TDRD6: variants seen among roughly 807,000 people sequenced by gnomAD.
The protein encoded by TDRD6 is tudor domain-containing protein 6.
TDRD6 carries 186 observed loss-of-function variants against 157.5 expected under a neutral mutation model. The observed-to-expected ratio is 1.18, with a 90% CI of 1.05 to 1.33. The LOEUF is 1.33. TDRD6 is among the 40% of genes most tolerant of loss of function. The pLI is 0.00. For missense variants in TDRD6, 3,066 were observed against 2,508.0 expected, an observed-to-expected ratio of 1.22 and a Z score of -4.75; for synonymous variants, 1,075 against 945.2, an observed-to-expected ratio of 1.14 and a Z score of -2.52.
chr6:46,688,152 G>T lies in TDRD6; in HGVS notation c.24G>T (p.Pro8=). ...AGATGTGCTCGACGCCCGGAATGCC[G>T]GCGCCGGGGGCCTCGCTGGCCCTGC... The part of the protein sequence containing the change: MCSTPGM[P]APGASLALRV... The change falls in exon 1 of 4, where the codon CCG becomes CCT. Residue 8 remains proline, a synonymous_variant. Coordinates refer to ENST00000316081, the MANE Select transcript of TDRD6 (RefSeq NM_001010870.3). 1 of 1,542,918 alleles carries T rather than the reference G, an allele frequency of 6.5e-7. No individual in the cohort carries two copies. The highest frequency in any genetic ancestry group is 8.7e-7 in the Non-Finnish European group (1 of 1,151,228).
Position 46,692,021 on chromosome 6 carries a change from A to G in TDRD6, c.3893A>G (p.Gln1298Arg), listed in dbSNP as rs774744830. 34 of 1,613,886 alleles carry G rather than the reference A, an allele frequency of 2.1e-5. No individual in the cohort carries two copies. Among genetic ancestry groups the G allele is most frequent in the Non-Finnish European group, 2.8e-5 (33 of 1,179,924 alleles). Residue 1298 changes from glutamine (Q) to arginine (R), a missense_variant, in exon 1 of 4, where the codon CAG becomes CGG. Gln to Arg is a conservative substitution (Grantham distance 43). Coordinates refer to ENST00000316081, the MANE Select transcript of TDRD6 (RefSeq NM_001010870.3). ...DLPLKFCEFP[Q>R]KTIMPGFKTT... ...CCTCTGAAATTTTGTGAGTTCCCAC[A>G]GAAGACTATAATGCCTGGATTTAAA...
At position 46,691,518 on chromosome 6, in the gene TDRD6, A is replaced by C. The variant is rs780410588; in HGVS notation, c.3390A>C (p.Ala1130=). ...AGTCATTGAAGGCTTTAGTTGTAGC[A>C]AAAGATCCAGATGGAACACTGATTA... ...LDKSLKALVV[A]KDPDGTLIIE... The change falls in exon 1 of 4, where the codon GCA becomes GCC. Residue 1130 remains alanine, a synonymous_variant. Transcript: ENST00000316081. 26 of 1,614,074 alleles carry C rather than the reference A, an allele frequency of 1.6e-5. No homozygotes were observed. Among genetic ancestry groups the C allele is most frequent in the Non-Finnish European group, 2.2e-5 (26 of 1,179,944 alleles).
rs1259683908 is a variant in TDRD6, at chr6:46,691,891, A to G, written c.3763A>G (p.Thr1255Ala). 2 of 1,594,526 alleles carry G rather than the reference A, an allele frequency of 1.3e-6. No homozygotes were observed. The highest frequency in any genetic ancestry group is 1.4e-5 in the African/African-American group (1 of 73,282). Residue 1255 changes from threonine (T) to alanine (A), a missense_variant, in exon 1 of 4, where the codon ACA (threonine) becomes GCA (alanine). By Grantham distance (58) the Thr-to-Ala change is moderately conservative. Transcript: ENST00000316081. ...AAATAGTCAAGTGTTTCCATTAACA[A>G]CAGAAAAGAAAGAAGAAATTTCTGC... Reference protein sequence around the residue: ...NKNSQVFPLTTEKKEEISAET... With the variant: ...NKNSQVFPLTAEKKEEISAET...
At chr6:46,696,737 A>T (rs1292324846) in intron 2 of TDRD6, among the ~76,000 whole-genome samples, 2 of 142,058 alleles carry the variant, frequency 1.4e-5, no homozygotes, top group African/African-American at 5.3e-5. Flanking sequence ...TCAGCCTCCC[A>T]AGTAGCTGGG....
intron 3 of TDRD6, among the ~76,000 whole-genome samples, chr6:46,700,534 A>G (rs1354787446): frequency 2.6e-5 from 4 of 152,150 alleles, no homozygotes; most frequent in Admixed American, 2.0e-4. Context: ...TTATTTTACC[A>G]TAAGAGTATT....
At chr6:46,681,686 A>G in the TDRD6 span, 1 of 423,134 alleles carries the variant, frequency 2.4e-6, no homozygotes, top group South Asian at 1.7e-5. Context: ...TAAATATTTT[A>G]AAGTGCCTAA....
chr6:46,690,589 C>T lies in TDRD6; in HGVS notation c.2461C>T (p.Leu821Phe), dbSNP rs767272876. 2 of 1,614,186 alleles carry T rather than the reference C, an allele frequency of 1.2e-6. No homozygotes were observed. The highest frequency in any genetic ancestry group is 2.2e-5 in the South Asian group (2 of 91,080). ...NTAAPHQRNT[L>F]ACLAKRTVNR... ...AGCTGCTCCTCACCAGAGAAACACC[C>T]TTGCTTGTTTGGCTAAGCGAACAGT... Residue 821 changes from leucine (L) to phenylalanine (F), a missense_variant, in exon 1 of 4, where the codon CTT (leucine) becomes TTT (phenylalanine). Transcript: ENST00000316081.
At chr6:46,695,595 A>AT (rs1431293445) in intron 1 of TDRD6, among the ~76,000 whole-genome samples, 1 of 151,762 alleles carries the variant, frequency 6.6e-6, no homozygotes, top group Admixed American at 6.6e-5. Context: ...CCTTGTGGTG[A>AT]TTTTTTGTTT....
At position 46,693,781 on chromosome 6, in the gene TDRD6, A is replaced by G. The variant is rs199642377; in HGVS notation, c.5653A>G (p.Lys1885Glu). ...GCCACTCTCCCAAGAGTGTGTCACA[A>G]AAGGCGCCATGGAGCTATTTACACT... Reference protein sequence around the residue: ...NVPLSQECVTKGAMELFTLQL... With the variant: ...NVPLSQECVTEGAMELFTLQL... The change falls in exon 1 of 4, where the codon AAA becomes GAA. Residue 1885 changes from lysine to glutamate, a missense_variant. Lys to Glu is a moderately conservative substitution (Grantham distance 56). Transcript: ENST00000316081. 8.1e-6 allele frequency: 13 copies of G among 1,614,190 alleles called. No individual in the cohort carries two copies. In the South Asian group the frequency reaches 8.8e-5, roughly 11 times the overall value.
chr6:46,699,545 T>G (rs781341071), intron 3 of TDRD6, among the ~76,000 whole-genome samples: 3 of 152,116 alleles, frequency 2.0e-5, no homozygotes, highest in Non-Finnish European at 4.4e-5. Flanking sequence ...GCATTCAGGG[T>G]TCCTTTATCC....
chr6:46,692,237 A>G lies in TDRD6; in HGVS notation c.4109A>G (p.Tyr1370Cys), dbSNP rs376058108. 2.5e-6 allele frequency: 4 copies of G among 1,613,986 alleles called. No individual in the cohort carries two copies. The African/African-American group carries it at 4.0e-5, about 16-fold the overall frequency. ...GTTTTCCCAGAAGATAATTTATGGT[A>G]TCGTGCTGTGATCAAGGAGCAACAA... ...CAVFPEDNLW[Y>C]RAVIKEQQPN... The change falls in exon 1 of 4, where the codon TAT (tyrosine) becomes TGT (cysteine). Residue 1370 changes from tyrosine (Y) to cysteine (C), a missense_variant. By Grantham distance (194) the Tyr-to-Cys change is radical. Transcript: ENST00000316081.
chr6:46,691,164 A>G lies in TDRD6; in HGVS notation c.3036A>G (p.Leu1012=). The change falls in exon 1 of 4, where the codon TTA becomes TTG. Residue 1012 remains leucine, a synonymous_variant. Transcript: ENST00000316081. ...YCQLARNANI[L]EQLSCSITQL... Reference sequence around the variant, plus strand: ...AGCTGGCAAGAAATGCAAATATTTTAGAACAGTTGTCATGTAGTATTACAC... The same window carrying G: ...AGCTGGCAAGAAATGCAAATATTTTGGAACAGTTGTCATGTAGTATTACAC... The G allele has an allele frequency of 6.2e-7, 1 of 1,613,862 alleles. No individual in the cohort carries two copies. Among genetic ancestry groups the G allele is most frequent in the South Asian group, 1.1e-5 (1 of 91,042 alleles).
chr6:46,692,138 G>T lies in TDRD6; in HGVS notation c.4010G>T (p.Arg1337Ile), dbSNP rs759030763. The change falls in exon 1 of 4, where the codon AGA becomes ATA. Residue 1337 changes from arginine (R) to isoleucine (I), a missense_variant. By Grantham distance (97) the Arg-to-Ile change is moderately conservative (BLOSUM62 -3). Coordinates refer to ENST00000316081, the MANE Select transcript of TDRD6 (RefSeq NM_001010870.3). ...GCTGAAATTAGTCATCTTTCAGAGA[G>T]ATTAAACAGTGTTAAAACAAGGCCC... ...DEAEISHLSE[R>I]LNSVKTRPEY... 6.2e-7 allele frequency: 1 copy of T among 1,614,074 alleles called. No individual in the cohort carries two copies. The highest frequency in any genetic ancestry group is 1.3e-5 in the African/African-American group (1 of 75,056).
At chr6:46,680,846 A>T in the TDRD6 span, among the ~76,000 whole-genome samples, 1 of 152,078 alleles carries the variant, frequency 6.6e-6, no homozygotes, top group South Asian at 2.1e-4. Flanking sequence ...TCTTCCCACC[A>T]CCACCACCTA....
upstream of TDRD6, among the ~76,000 whole-genome samples, chr6:46,683,774 C>T (rs1764017992): frequency 6.6e-6 from 1 of 151,976 alleles, no homozygotes; most frequent in South Asian, 2.1e-4. Context: ...TGGCTCATTT[C>T]GTCTTCATAT....
chr6:46,687,915 A>G lies in TDRD6; in HGVS notation c.-214A>G. The G allele has an allele frequency of 3.0e-6, 2 of 662,224 alleles. No homozygotes were observed. Among genetic ancestry groups the G allele is most frequent in the Non-Finnish European group, 4.6e-6 (2 of 437,114 alleles). The allele number at this position is 662,224 out of a possible 1,614,324, so 41.0% of individuals were successfully genotyped here. ...CGGAAGCGCGACCTCGGGCGGTTGG[A>G]GGGGCTACCGGGTCTTACCAGTCCG... On this transcript the variant is annotated 5_prime_UTR_variant, in exon 1 of 4. Transcript: ENST00000316081.
Position 46,689,307 on chromosome 6 carries a change from C to T in TDRD6, c.1179C>T (p.Val393=). ...GGAGAGGCTGGTCTCGGTCACAGGT[C>T]GGTGACCTGAAGACACTGATACTAG... ...DGGRGWSRSQ[V]GDLKTLILGK... The change falls in exon 1 of 4, where the codon GTC becomes GTT. Residue 393 remains valine, a synonymous_variant. Coordinates refer to ENST00000316081, the MANE Select transcript of TDRD6 (RefSeq NM_001010870.3). 1 of 1,614,052 alleles carries T rather than the reference C, an allele frequency of 6.2e-7. No homozygotes were observed. The highest frequency in any genetic ancestry group is 1.1e-5 in the South Asian group (1 of 91,060).
chr6:46,697,802 T>G (rs991263818), intron 2 of TDRD6, among the ~76,000 whole-genome samples, 196 bp from the exon 3 acceptor site: 4 of 152,186 alleles, frequency 2.6e-5, no homozygotes, highest in Admixed American at 6.5e-5. Flanking sequence ...ATGGGCAGAT[T>G]GCCTGAGCCC....
chr6:46,690,854 T>G lies in TDRD6; in HGVS notation c.2726T>G (p.Phe909Cys). 1 of 1,613,714 alleles carries G rather than the reference T, an allele frequency of 6.2e-7. No individual in the cohort carries two copies. The highest frequency in any genetic ancestry group is 8.5e-7 in the Non-Finnish European group (1 of 1,179,926). Residue 909 changes from phenylalanine (F) to cysteine (C), a missense_variant, in exon 1 of 4, where the codon TTT becomes TGT. Phe to Cys is a radical substitution (Grantham distance 205). Coordinates refer to ENST00000316081, the MANE Select transcript of TDRD6 (RefSeq NM_001010870.3). ...DVKAIQAFNE[F>C]IDNAWQKNLE... is the part of the protein sequence containing the mutation. The stretch of plus-strand genomic sequence containing the variant: ...AAGGCAATACAAGCTTTCAATGAAT[T>G]TATAGATAATGCATGGCAAAAAAAT...
Sources: allele counts gnomAD v4.1 joint callset (sites outside exome capture counted in the v4.1 genomes callset), GRCh38; gene constraint gnomAD v4.1.1; transcripts MANE v1.5; gene names NCBI Gene and HGNC (gene_info 2026-07-23, HGNC 2026-07-21).